RAPGEF2: variants seen among roughly 807,000 people sequenced by gnomAD.
RAPGEF2 encodes the protein PDZ domain containing guanine nucleotide exchange factor (GEF) 1.
Under a neutral mutation model 186.7 loss-of-function variants are expected in RAPGEF2, and 54 were observed. That is an observed-to-expected ratio of 0.29 (90% confidence interval 0.23 to 0.36). RAPGEF2 has a LOEUF of 0.36. RAPGEF2 is among the 10% of genes least tolerant of loss of function. The pLI is 1.00. For synonymous variants in RAPGEF2, 712 were observed against 705.9 expected, an observed-to-expected ratio of 1.01 and a Z score of -0.14; for missense variants, 1,532 against 2,045.0, an observed-to-expected ratio of 0.75 and a Z score of 4.84.
intron 7 of RAPGEF2, among the ~76,000 whole-genome samples, chr4:159,289,173 C>G (rs1458671885): frequency 6.6e-6 from 1 of 152,106 alleles, no homozygotes; most frequent in African/African-American, 2.4e-5. Flanking sequence ...TAGTCATTGC[C>G]ATATCACTAG....
intron 8 of RAPGEF2, among the ~76,000 whole-genome samples, chr4:159,313,689 T>C (rs189461210): frequency 6.6e-6 from 1 of 152,230 alleles, no homozygotes; most frequent in Admixed American, 6.5e-5. Context: ...GATTTTAATA[T>C]TTCATTTGGA....
chr4:159,344,183 T>TACA, intron 23 of RAPGEF2, 124 bp downstream of exon 23: 1 of 995,916 alleles, frequency 1.0e-6, no homozygotes, highest in South Asian at 1.5e-5. Flanking sequence ...CCTCGTGCTG[T>TACA]AGCAGAATTT....
intron 3 of RAPGEF2, among the ~76,000 whole-genome samples, chr4:159,203,441 C>A (rs1749653745): frequency 6.6e-6 from 1 of 152,176 alleles, no homozygotes; most frequent in African/African-American, 2.4e-5. Flanking sequence ...GACGTTCTGG[C>A]ACCTGCGTCA....
At chr4:159,301,461 A>G (rs1762664641) in intron 7 of RAPGEF2, among the ~76,000 whole-genome samples, 1 of 152,218 alleles carries the variant, frequency 6.6e-6, no homozygotes, top group Admixed American at 6.5e-5. Flanking sequence ...ATCTATTCTT[A>G]CATATCTCAT....
chr4:159,282,482 G>T (rs562121655), intron 7 of RAPGEF2: 14 of 276,926 alleles, frequency 5.1e-5, no homozygotes, highest in Non-Finnish European at 8.5e-5. Flanking sequence ...TTTGCAAGGA[G>T]GTATTTTTAG....
chr4:159,244,892 T>A (rs952301757), intron 7 of RAPGEF2, among the ~76,000 whole-genome samples: 5 of 152,006 alleles, frequency 3.3e-5, no homozygotes, highest in Non-Finnish European at 7.4e-5. Flanking sequence ...AAAACATTTT[T>A]ATGTAATTTT....
chr4:159,328,811 C>CCA (rs1766281778), intron 11 of RAPGEF2: 1 of 152,020 alleles, frequency 6.6e-6, no homozygotes, highest in African/African-American at 2.4e-5. Context: ...CATAAGGCTG[C>CCA]CACAGTGTGA....
At chr4:159,286,809 ATAT>A (rs1344784719) in intron 7 of RAPGEF2, among the ~76,000 whole-genome samples, 1 of 152,188 alleles carries the variant, frequency 6.6e-6, no homozygotes, top group Non-Finnish European at 1.5e-5. Flanking sequence ...CTGTTACACC[ATAT>A]TATTCTAATT....
Position 159,210,521 on chromosome 4 carries a change from C to G in RAPGEF2, c.219C>G (p.Cys73Trp). Reference protein sequence around the residue: ...VLYYPDDIGTCWYILLSGSVF... With the variant: ...VLYYPDDIGTWWYILLSGSVF... ...TCAGCCCTGATGATATTGGGACCTGCTGGTATATCCTTCTTTCTGGTTCCG... is the reference window on the plus strand; with the variant it reads ...TCAGCCCTGATGATATTGGGACCTGGTGGTATATCCTTCTTTCTGGTTCCG... The change falls in exon 4 of 30, where the codon TGC (cysteine) becomes TGG (tryptophan). Residue 73 changes from cysteine to tryptophan, a missense_variant. This residue lies in a region of RAPGEF2 where 810 missense variants were observed against 1,210.5 expected (regional missense o/e 0.67). Coordinates refer to ENST00000691494, the MANE Select transcript of RAPGEF2 (RefSeq NM_001394067.2). 2 of 1,534,514 alleles carry G rather than the reference C, an allele frequency of 1.3e-6. No homozygotes were observed. Among genetic ancestry groups the G allele is most frequent in the Non-Finnish European group, 1.7e-6 (2 of 1,145,612 alleles).
intron 3 of RAPGEF2, among the ~76,000 whole-genome samples, chr4:159,198,882 C>T (rs1390900952): frequency 6.6e-6 from 1 of 151,406 alleles, no homozygotes; most frequent in Non-Finnish European, 1.5e-5. Context: ...GAGTTCGAGA[C>T]CAGCCTGGGC....
At chr4:159,295,750 TGTGTGCGCGCGCGC>T (rs1322692333) in intron 7 of RAPGEF2, among the ~76,000 whole-genome samples, 269 of 104,562 alleles carry the variant, frequency 2.6e-3, no homozygotes, top group African/African-American at 9.6e-3. Flanking sequence ...TGTGTGTGTG[TGTGTGCGCGCGCGC>T]GCGCGCGCGC....
chr4:159,350,411 C>A, intron 26 of RAPGEF2, 122 bp downstream of exon 26: 1 of 769,816 alleles, frequency 1.3e-6, no homozygotes, highest in Non-Finnish European at 1.8e-6. Context: ...AGCTCATTTG[C>A]AATGCCCAAT....
intron 7 of RAPGEF2, among the ~76,000 whole-genome samples, chr4:159,272,578 A>G (rs767144416): frequency 2.0e-5 from 3 of 152,210 alleles, no homozygotes; most frequent in Non-Finnish European, 4.4e-5. Flanking sequence ...TTGCAGTTAG[A>G]TGACAGATTA....
intron 7 of RAPGEF2, among the ~76,000 whole-genome samples, chr4:159,258,848 T>C (rs766122204): frequency 6.6e-6 from 1 of 152,188 alleles, no homozygotes; most frequent in Non-Finnish European, 1.5e-5. Flanking sequence ...CTTCCTGCTT[T>C]AACAGGTCTA....
chr4:159,256,664 A>G lies in RAPGEF2; in HGVS notation c.543+12873A>G, dbSNP rs749729411. On this transcript the variant is annotated intron_variant, in intron 7 of 29. Coordinates refer to ENST00000691494, the MANE Select transcript of RAPGEF2 (RefSeq NM_001394067.2). ...ATTGAACTAATTTATACTCCCACCAACAATGTAAGTGTTTCTTTTTCTCTG... is the reference window on the plus strand; with the variant it reads ...ATTGAACTAATTTATACTCCCACCAGCAATGTAAGTGTTTCTTTTTCTCTG... 6.2e-4 allele frequency among the ~76,000 whole-genome samples: 95 copies of G among 152,216 alleles called. 3 individuals are homozygous for G. Among genetic ancestry groups the G allele is most frequent in the Non-Finnish European group, 5.9e-5 (4 of 68,036 alleles).
chr4:159,225,846 G>A (rs1048439302), intron 4 of RAPGEF2, among the ~76,000 whole-genome samples: 8 of 152,042 alleles, frequency 5.3e-5, no homozygotes, highest in African/African-American at 1.7e-4. Flanking sequence ...TTATTTTTGA[G>A]TTGTGTAAGC....
intron 7 of RAPGEF2, among the ~76,000 whole-genome samples, chr4:159,279,936 C>A (rs1035873137): frequency 6.6e-6 from 1 of 152,072 alleles, no homozygotes; most frequent in Non-Finnish European, 1.5e-5. Context: ...CTGCCCGCCT[C>A]GGCCTCCCAA....
intron 2 of RAPGEF2, among the ~76,000 whole-genome samples, chr4:159,191,133 C>T (rs1748075928): frequency 6.6e-6 from 1 of 151,688 alleles, no homozygotes; most frequent in Non-Finnish European, 1.5e-5. Context: ...GGGCTAAGGA[C>T]AGGACCCTGG....
At chr4:159,248,212 A>G (rs571755639) in intron 7 of RAPGEF2, among the ~76,000 whole-genome samples, 2 of 152,330 alleles carry the variant, frequency 1.3e-5, no homozygotes, top group East Asian at 1.9e-4. Flanking sequence ...TTTGAGGTAG[A>G]TTAGTTTCAA....
Sources: allele counts gnomAD v4.1 joint callset (sites outside exome capture counted in the v4.1 genomes callset), GRCh38; gene constraint gnomAD v4.1.1; regional missense constraint gnomAD v4.1.1; transcripts MANE v1.5; gene names NCBI Gene and HGNC (gene_info 2026-07-23, HGNC 2026-07-21).